PIEZO2: variants seen among roughly 807,000 people sequenced by gnomAD.
The protein encoded by PIEZO2 is piezo-type mechanosensitive ion channel component 2.
Under a neutral mutation model 337.3 loss-of-function variants are expected in PIEZO2, and 172 were observed. That is an observed-to-expected ratio of 0.51 (90% CI 0.45 to 0.58). The LOEUF is 0.58. Ranked by LOEUF, PIEZO2 falls within the 20% of genes least tolerant of loss-of-function variation. The pLI is 0.00. For missense variants in PIEZO2, 3,028 were observed against 3,391.3 expected (o/e 0.89, Z 2.66); for synonymous variants, 1,251 against 1,228.5 (o/e 1.02, Z -0.38).
At chr18:10,939,932 A>T (rs1296987836) in intron 3 of PIEZO2, among the ~76,000 whole-genome samples, 1 of 152,080 alleles carries the variant, frequency 6.6e-6, no homozygotes, top group Non-Finnish European at 1.5e-5. Flanking sequence ...CTTAAAGTAA[A>T]ATAAAATTAA....
rs564998076 is a variant in PIEZO2, at chr18:11,016,777, G to T, written c.161-37117C>A. Reference sequence around the variant, plus strand: ...CTTCCCAGTTTTCATCCCCATACATGTGGATTTGATATATTTATTTAGATT... The same window carrying T: ...CTTCCCAGTTTTCATCCCCATACATTTGGATTTGATATATTTATTTAGATT... On this transcript the variant is annotated intron_variant, in intron 2 of 55. Transcript: ENST00000674853. The surrounding 1 kb of genome is among the most constrained non-coding windows in gnomAD (Gnocchi z 5.6). Among the ~76,000 whole-genome samples, 101 of 152,252 alleles carry T rather than the reference G, an allele frequency of 6.6e-4. No individual in the cohort carries two copies. The highest frequency in any genetic ancestry group is 3.4e-3 in the Middle Eastern group (1 of 294).
chr18:10,718,214 T>A lies in PIEZO2; in HGVS notation c.5075A>T (p.Lys1692Ile). 2 of 1,536,988 alleles carry A rather than the reference T, an allele frequency of 1.3e-6. No individual in the cohort carries two copies. The highest frequency in any genetic ancestry group is 1.7e-6 in the Non-Finnish European group (2 of 1,146,642). ...TATTTTGTTACCTGGTCCATCGGAT[T>A]TCTTTTTGATTGGTTCATCCTCCCG... Reference protein sequence around the residue: ...EDREDEPIKKKSDGPDNIIKR... With the variant: ...EDREDEPIKKISDGPDNIIKR... The change falls in exon 37 of 56, where the codon AAA becomes ATA. Residue 1692 changes from lysine to isoleucine, a missense_variant. This residue lies in a region of PIEZO2 where 1,925 missense variants were observed against 2,051.9 expected (regional missense o/e 0.94). Transcript: ENST00000674853.
chr18:11,089,919 C>T (rs2039021396), intron 1 of PIEZO2, among the ~76,000 whole-genome samples: 1 of 152,158 alleles, frequency 6.6e-6, no homozygotes, highest in Non-Finnish European at 1.5e-5. Flanking sequence ...TGAAGAGAAC[C>T]GATTGATCTC....
intron 3 of PIEZO2, among the ~76,000 whole-genome samples, chr18:10,964,550 T>C (rs2033922383): frequency 6.6e-6 from 1 of 152,234 alleles, no homozygotes; most frequent in Non-Finnish European, 1.5e-5. Flanking sequence ...AATGAGACTT[T>C]AGTGAATACG....
intron 4 of PIEZO2, among the ~76,000 whole-genome samples, chr18:10,898,895 A>G (rs1316000078): frequency 2.0e-5 from 3 of 152,180 alleles, no homozygotes; most frequent in Non-Finnish European, 4.4e-5. Context: ...GGGTTGAAAG[A>G]AAAGGATTAA....
At chr18:10,986,083 C>T (rs763148549) in intron 2 of PIEZO2, among the ~76,000 whole-genome samples, 3 of 151,912 alleles carry the variant, frequency 2.0e-5, no homozygotes, top group Non-Finnish European at 2.9e-5. Flanking sequence ...AGACAAAATA[C>T]ACTTTAAGTC....
At chr18:10,782,115 T>G (rs979490521) in intron 17 of PIEZO2, among the ~76,000 whole-genome samples, 4 of 143,990 alleles carry the variant, frequency 2.8e-5, no homozygotes, top group African/African-American at 1.0e-4. Flanking sequence ...TATTATATAT[T>G]AAGCTTTGAA....
intron 2 of PIEZO2, among the ~76,000 whole-genome samples, chr18:11,055,526 G>A (rs1568334242): frequency 1.3e-5 from 2 of 152,242 alleles, no homozygotes; most frequent in African/African-American, 4.8e-5. Flanking sequence ...TTCAAAATCT[G>A]GGGAAGAGAA....
Position 10,993,687 on chromosome 18 carries a change from C to T in PIEZO2, c.161-14027G>A, listed in dbSNP as rs371059192. The stretch of plus-strand genomic sequence containing the variant: ...GACTACAGGCGCCTCTCACAATGCC[C>T]GGCTAATTTTTCTGTATTTTTAGTA... On this transcript the variant is annotated intron_variant, in intron 2 of 55. Coordinates refer to ENST00000674853, the MANE Select transcript of PIEZO2 (RefSeq NM_001378183.1). The surrounding 1 kb of genome is among the most constrained non-coding windows in gnomAD (Gnocchi z 5.0). Among the ~76,000 whole-genome samples, 6 of 152,188 alleles carry T rather than the reference C, an allele frequency of 3.9e-5. No individual in the cohort carries two copies. The highest frequency in any genetic ancestry group is 3.9e-4 in the East Asian group (2 of 5,150).
Position 10,997,933 on chromosome 18 carries a change from G to C in PIEZO2, c.161-18273C>G, listed in dbSNP as rs112930465. 4.6e-3 allele frequency among the ~76,000 whole-genome samples: 705 copies of C among 152,216 alleles called. 8 individuals carry two copies. Among genetic ancestry groups the C allele is most frequent in the African/African-American group, 0.016 (654 of 41,556 alleles). The stretch of plus-strand genomic sequence containing the variant: ...ATTCAATAAGCTCAGCAAATCCTAA[G>C]TAGGATGAGCTCAAAGAAACCACTC... On this transcript the variant is annotated intron_variant, in intron 2 of 55. Coordinates refer to ENST00000674853, the MANE Select transcript of PIEZO2 (RefSeq NM_001378183.1).
At chr18:10,836,459 TC>T (rs1240927448) in intron 7 of PIEZO2, among the ~76,000 whole-genome samples, 4 of 152,200 alleles carry the variant, frequency 2.6e-5, no homozygotes, top group Non-Finnish European at 5.9e-5. Context: ...TGTAACTTGC[TC>T]AAGGTCACTT....
intron 8 of PIEZO2, among the ~76,000 whole-genome samples, chr18:10,806,838 T>A (rs143805892): frequency 1.2e-3 from 178 of 152,350 alleles, no homozygotes; most frequent in African/African-American, 3.8e-3. Flanking sequence ...CATGGCATAT[T>A]ACAGTAAGTG....
Position 10,821,017 on chromosome 18 carries a change from C to T in PIEZO2, c.918-13743G>A, listed in dbSNP as rs1437056127. Among the ~76,000 whole-genome samples, 1 of 152,152 alleles carries T rather than the reference C, an allele frequency of 6.6e-6. No individual in the cohort carries two copies. The highest frequency in any genetic ancestry group is 1.5e-5 in the Non-Finnish European group (1 of 68,016). On this transcript the variant is annotated intron_variant, in intron 7 of 55. Transcript: ENST00000674853. The surrounding 1 kb of genome is among the most constrained non-coding windows in gnomAD (Gnocchi z 4.2). ...TTTGTCTGACTTCATGGAGTCTTAC[C>T]TATGCATGCACAGCTTAGAATTCAG...
chr18:10,863,262 T>A lies in PIEZO2; in HGVS notation c.493-6051A>T, dbSNP rs1484406984. ...GAATTTCATCCCCAGGGTTCCCTTG[T>A]GAAAGGAAGCAGTGAGGGAAAAAAA... On this transcript the variant is annotated intron_variant, in intron 5 of 55. Transcript: ENST00000674853. The surrounding 1 kb of genome is among the most constrained non-coding windows in gnomAD (Gnocchi z 4.3). Among the ~76,000 whole-genome samples, 1 of 152,184 alleles carries A rather than the reference T, an allele frequency of 6.6e-6. No individual in the cohort carries two copies. Among genetic ancestry groups the A allele is most frequent in the Non-Finnish European group, 1.5e-5 (1 of 68,044 alleles).
In PIEZO2 at chr18:10,770,328, G is replaced by A. The variant is rs2038546276; in HGVS notation, c.2786-20C>T. 6.6e-7 allele frequency: 1 copy of A among 1,522,314 alleles called. No individual in the cohort carries two copies. 94.3% of individuals were successfully genotyped at this position (1,522,314 alleles called of 1,614,324 possible). ...TTAAGTCTGCAAAATAGGAAGTACA[G>A]ACAAGAGCATAACATTTTTAAAAAT... On this transcript the variant is annotated intron_variant, in intron 20 of 55. Coordinates refer to ENST00000674853, the MANE Select transcript of PIEZO2 (RefSeq NM_001378183.1).
intron 12 of PIEZO2, among the ~76,000 whole-genome samples, 168 bp downstream of exon 12, chr18:10,797,205 TC>T (rs2039639504): frequency 7.7e-6 from 1 of 130,086 alleles, no homozygotes. Context: ...TACCATCATA[TC>T]ATATCTTACA....
chr18:11,086,353 G>T (rs2865145), intron 1 of PIEZO2, among the ~76,000 whole-genome samples: 21,162 of 151,414 alleles, frequency 0.14, 1,578 homozygotes, highest in African/African-American at 0.17. Flanking sequence ...ACCCCGTCTC[G>T]ACTAAAAATA....
intron 15 of PIEZO2, among the ~76,000 whole-genome samples, chr18:10,787,900 A>C (rs1355676913): frequency 4.6e-5 from 7 of 152,228 alleles, no homozygotes. Context: ...CTCATATATT[A>C]ACTTATTTTA....
rs1425508247 is a variant in PIEZO2, at chr18:11,128,163, G to A, written c.64+20362C>T. 6.6e-6 allele frequency among the ~76,000 whole-genome samples: 1 copy of A among 152,100 alleles called. No homozygotes were observed. Among genetic ancestry groups the A allele is most frequent in the Non-Finnish European group, 1.5e-5 (1 of 68,012 alleles). ...AGAACCAAGGAACGTAATAAAGCTG[G>A]TTGGTTGCTCCTAAGTTCAGTGGAC... On this transcript the variant is annotated intron_variant, in intron 1 of 55. Coordinates refer to ENST00000674853, the MANE Select transcript of PIEZO2 (RefSeq NM_001378183.1). The surrounding 1 kb of genome is among the most constrained non-coding windows in gnomAD (Gnocchi z 4.1).
Sources: allele counts gnomAD v4.1 joint callset (sites outside exome capture counted in the v4.1 genomes callset), GRCh38; gene constraint gnomAD v4.1.1; regional missense constraint gnomAD v4.1.1; non-coding constraint Gnocchi (gnomAD v3.1); transcripts MANE v1.5; gene names NCBI Gene and HGNC (gene_info 2026-07-23, HGNC 2026-07-21).